EFNA5: variants seen among roughly 807,000 people sequenced by gnomAD.
The protein encoded by EFNA5 is ephrin A5.
A neutral mutation model predicts 22.9 loss-of-function variants in EFNA5; 5 were observed. The ratio of observed to expected loss-of-function variants is 0.22; its 90% CI spans 0.11 to 0.46. The LOEUF (loss-of-function observed/expected upper bound fraction) is 0.46, where lower values mean the gene tolerates loss of function less well. EFNA5 is among the 20% of genes least tolerant of loss of function. The pLI is 0.99. For synonymous variants in EFNA5, 113 were observed against 112.2 expected (o/e 1.01, Z -0.04); for missense variants, 237 against 293.3 (o/e 0.81, Z 1.40).
chr5:107,482,866 CTCTCTATA>C (rs1357496150), intron 1 of EFNA5, among the ~76,000 whole-genome samples: 296 of 43,258 alleles, frequency 6.8e-3, no homozygotes, highest in South Asian at 0.022. Flanking sequence ...CTCTCTCTCT[CTCTCTATA>C]TATATATATA....
chr5:107,617,231 C>CAGAGAGAGAG (rs1185894080), intron 1 of EFNA5, among the ~76,000 whole-genome samples: 1 of 148,346 alleles, frequency 6.7e-6, no homozygotes, highest in African/African-American at 2.5e-5. Flanking sequence ...CACACACACA[C>CAGAGAGAGAG]ACACACAGAG....
intron 1 of EFNA5, among the ~76,000 whole-genome samples, chr5:107,602,991 C>T (rs774446128): frequency 2.0e-5 from 3 of 152,140 alleles, no homozygotes; most frequent in Non-Finnish European, 4.4e-5. Context: ...CGAAGGCTCC[C>T]GAGTGCATTC....
At chr5:107,572,469 C>T (rs950973265) in intron 1 of EFNA5, among the ~76,000 whole-genome samples, 16 of 152,098 alleles carry the variant, frequency 1.1e-4, no homozygotes, top group African/African-American at 3.9e-4. Context: ...GTTTAGAAAG[C>T]TAGGGAGGAG....
chr5:107,436,396 C>T (rs145987946), intron 1 of EFNA5, among the ~76,000 whole-genome samples: 7 of 152,248 alleles, frequency 4.6e-5, no homozygotes, highest in East Asian at 1.9e-4. Context: ...AGTGTGTCAA[C>T]GTCAACAGGG....
intron 1 of EFNA5, among the ~76,000 whole-genome samples, chr5:107,484,221 C>T (rs27490): frequency 3.9e-5 from 6 of 152,190 alleles, no homozygotes; most frequent in African/African-American, 1.2e-4. Context: ...CAGGAGCCCT[C>T]TCTGCTCTCT....
chr5:107,526,719 C>A (rs577752809), intron 1 of EFNA5, among the ~76,000 whole-genome samples: 18 of 152,104 alleles, frequency 1.2e-4, no homozygotes, highest in African/African-American at 4.3e-4. Context: ...GCAAGTTATC[C>A]CTAGGAGATC....
intron 2 of EFNA5, among the ~76,000 whole-genome samples, chr5:107,409,316 C>T (rs960496443): frequency 1.3e-5 from 2 of 152,088 alleles, no homozygotes; most frequent in East Asian, 1.9e-4. Context: ...CAGTCAGAAC[C>T]CAACCATTAA....
At chr5:107,419,819 A>G (rs1242499430) in intron 2 of EFNA5, among the ~76,000 whole-genome samples, 2 of 152,218 alleles carry the variant, frequency 1.3e-5, no homozygotes, top group African/African-American at 2.4e-5. Flanking sequence ...TAATGCTAAA[A>G]TAAGACTTCA....
At chr5:107,449,679 A>C (rs1428161559) in intron 1 of EFNA5, among the ~76,000 whole-genome samples, 1 of 152,194 alleles carries the variant, frequency 6.6e-6, no homozygotes, top group African/African-American at 2.4e-5. Flanking sequence ...AGTCCTTAAG[A>C]AGCTCTCTAA....
intron 1 of EFNA5, among the ~76,000 whole-genome samples, chr5:107,603,689 T>C (rs1242285280): frequency 1.3e-5 from 2 of 152,246 alleles, no homozygotes; most frequent in Admixed American, 1.3e-4. Context: ...GAGCAAAGAA[T>C]GTTAGAAGTG....
intron 1 of EFNA5, 124 bp downstream of exon 1, chr5:107,670,365 C>T (rs1366639668): frequency 1.6e-6 from 2 of 1,282,258 alleles, no homozygotes; most frequent in African/African-American, 1.6e-5. Flanking sequence ...CATCAGCGCC[C>T]GGGCGACGCA....
intron 1 of EFNA5, among the ~76,000 whole-genome samples, chr5:107,545,626 C>T (rs541082881): frequency 2.0e-5 from 3 of 152,250 alleles, no homozygotes; most frequent in African/African-American, 7.2e-5. Flanking sequence ...AGGTCAAGAA[C>T]CTGCTATGGG....
At chr5:107,596,129 TA>T (rs1376003190) in intron 1 of EFNA5, among the ~76,000 whole-genome samples, 1 of 152,208 alleles carries the variant, frequency 6.6e-6, no homozygotes, top group Non-Finnish European at 1.5e-5. Context: ...TTTCTTGTAT[TA>T]TTTTTTATTA....
chr5:107,652,848 A>C (rs1417259604), intron 1 of EFNA5, among the ~76,000 whole-genome samples: 2 of 152,156 alleles, frequency 1.3e-5, no homozygotes, highest in Non-Finnish European at 2.9e-5. Context: ...CTCCACTTTA[A>C]ACAAGGGAAT....
intron 1 of EFNA5, among the ~76,000 whole-genome samples, chr5:107,569,878 G>T (rs1192259904): frequency 1.4e-5 from 2 of 145,510 alleles, no homozygotes; most frequent in Admixed American, 6.9e-5. Context: ...AAGAGGAAAT[G>T]ATCTTCTACA....
At chr5:107,448,907 G>A (rs1178259155) in intron 1 of EFNA5, among the ~76,000 whole-genome samples, 1 of 150,732 alleles carries the variant, frequency 6.6e-6, no homozygotes, top group East Asian at 2.0e-4. Context: ...CCCAACATTT[G>A]TTCATTATTT....
At chr5:107,402,712 A>G (rs1748117882) in intron 2 of EFNA5, among the ~76,000 whole-genome samples, 1 of 152,184 alleles carries the variant, frequency 6.6e-6, no homozygotes, top group African/African-American at 2.4e-5. Context: ...CATTACATTT[A>G]TTATACTGAT....
intron 1 of EFNA5, among the ~76,000 whole-genome samples, chr5:107,639,915 C>A (rs1005669202): frequency 1.3e-5 from 2 of 151,982 alleles, no homozygotes; most frequent in Non-Finnish European, 2.9e-5. Context: ...TAGAGATATA[C>A]TAAAATATAA....
At chr5:107,495,971 G>C (rs1351777765) in intron 1 of EFNA5, among the ~76,000 whole-genome samples, 1 of 151,912 alleles carries the variant, frequency 6.6e-6, no homozygotes, top group Non-Finnish European at 1.5e-5. Flanking sequence ...TCCACCTCCT[G>C]ACTGCTTGTC....
Sources: allele counts gnomAD v4.1 joint callset (sites outside exome capture counted in the v4.1 genomes callset), GRCh38; gene constraint gnomAD v4.1.1; transcripts MANE v1.5; gene names NCBI Gene and HGNC (gene_info 2026-07-23, HGNC 2026-07-21).